TACC1: variants seen among roughly 807,000 people sequenced by gnomAD.
TACC1 encodes transforming acidic coiled-coil-containing protein 1.
In TACC1, 48 loss-of-function variants were observed where a neutral mutation model predicts 84.4. The observed-to-expected ratio is 0.57, with a 90% CI of 0.45 to 0.72. The LOEUF (loss-of-function observed/expected upper bound fraction) is 0.72, where lower values mean the gene tolerates loss of function less well. Ranked by LOEUF, TACC1 falls within the 30% of genes least tolerant of loss-of-function variation. The pLI, the probability that TACC1 is intolerant of heterozygous loss-of-function variation, is 0.00. For missense variants in TACC1, 920 were observed against 973.0 expected (o/e 0.95, Z 0.72); for synonymous variants, 372 against 376.3 (o/e 0.99, Z 0.13).
chr8:38,841,004 G>A (rs980161490), intron 9 of TACC1, among the ~76,000 whole-genome samples: 1 of 152,196 alleles, frequency 6.6e-6, no homozygotes, highest in African/African-American at 2.4e-5. Flanking sequence ...AGCCGAGATC[G>A]TGCCACTGCA....
chr8:38,835,390 T>C (rs1830030798), intron 6 of TACC1, among the ~76,000 whole-genome samples: 1 of 152,224 alleles, frequency 6.6e-6, no homozygotes, highest in Non-Finnish European at 1.5e-5. Context: ...GAACCTGAGC[T>C]TATGAAAGAA....
rs2292741 is a variant in TACC1 at position 38,838,478 on chromosome 8, T to C, written c.1848T>C (p.Thr616=). The change falls in exon 8 of 13, where the codon ACT becomes ACC. Residue 616 remains threonine (T), a synonymous_variant. Transcript: ENST00000317827. ...GCTTTATTGTACTCTAGATAATTAC[T>C]AAAGAGATTGAAGCAAATGAATGGA... ...VLTLIREEII[T]KEIEANEWKK... 234,182 of 1,611,760 alleles carry C rather than the reference T, an allele frequency of 0.15. 18,023 individuals are homozygous for C. The highest frequency in any genetic ancestry group is 0.24 in the East Asian group (10,852 of 44,824).
intron 1 of TACC1, among the ~76,000 whole-genome samples, chr8:38,729,826 G>A (rs1199639856): frequency 2.6e-5 from 4 of 152,084 alleles, no homozygotes; most frequent in Non-Finnish European, 2.9e-5. Flanking sequence ...CTGAGATCAC[G>A]CCACTGCACT....
chr8:38,830,465 G>C (rs1354556631), intron 5 of TACC1, among the ~76,000 whole-genome samples: 1 of 152,138 alleles, frequency 6.6e-6, no homozygotes, highest in Non-Finnish European at 1.5e-5. Context: ...AGTAGATGAG[G>C]CTTCGCCATG....
intron 3 of TACC1, among the ~76,000 whole-genome samples, chr8:38,751,818 A>T (rs936219656): frequency 6.6e-6 from 1 of 152,064 alleles, no homozygotes; most frequent in Non-Finnish European, 1.5e-5. Flanking sequence ...AATATTTCTG[A>T]GGTATGCCTG....
At chr8:38,737,411 G>A (rs757169223) in intron 1 of TACC1, among the ~76,000 whole-genome samples, 18 of 152,198 alleles carry the variant, frequency 1.2e-4, no homozygotes, top group Non-Finnish European at 2.2e-4. Flanking sequence ...GCCAGTTCTC[G>A]ATGAGATCAG....
At chr8:38,831,260 C>T (rs1829176464) in intron 6 of TACC1, 83 bp downstream of exon 6, 1 of 1,409,646 alleles carries the variant, frequency 7.1e-7, no homozygotes, top group African/African-American at 1.4e-5. Flanking sequence ...TTGTTAAATT[C>T]TGGTCAGTGT....
At chr8:38,821,066 G>T (rs756244045) in intron 3 of TACC1, among the ~76,000 whole-genome samples, 1 of 151,962 alleles carries the variant, frequency 6.6e-6, no homozygotes, top group East Asian at 1.9e-4. Flanking sequence ...TTAGCTGGGC[G>T]TGGTGGTGCA....
intron 2 of TACC1, among the ~76,000 whole-genome samples, chr8:38,792,990 C>T (rs985180518): frequency 1.3e-5 from 2 of 152,134 alleles, no homozygotes; most frequent in African/African-American, 4.8e-5. Context: ...GTGCCCTCTG[C>T]CCCTTGAGTT....
chr8:38,769,232 A>G (rs1418007333), intron 3 of TACC1, among the ~76,000 whole-genome samples: 3 of 112,652 alleles, frequency 2.7e-5, no homozygotes, highest in Non-Finnish European at 5.3e-5. Context: ...TGTGTATGAG[A>G]CTGTGTATGG....
intron 6 of TACC1, among the ~76,000 whole-genome samples, chr8:38,833,648 G>C (rs750485205): frequency 1.3e-5 from 2 of 152,222 alleles, no homozygotes; most frequent in African/African-American, 2.4e-5. Context: ...GCATTGAGTT[G>C]TTAAGCAGGC....
intron 2 of TACC1, among the ~76,000 whole-genome samples, chr8:38,804,373 A>T (rs1822147466): frequency 6.6e-6 from 1 of 151,892 alleles, no homozygotes; most frequent in African/African-American, 2.4e-5. Context: ...ATCTTGGCTC[A>T]CTGCAACCCT....
intron 3 of TACC1, among the ~76,000 whole-genome samples, chr8:38,774,862 T>C (rs1814492608): frequency 2.0e-5 from 3 of 151,910 alleles, no homozygotes. Context: ...AATACAAAAA[T>C]TAGCTGGGCA....
intron 2 of TACC1, among the ~76,000 whole-genome samples, chr8:38,799,336 G>GAC (rs1820789541): frequency 6.6e-6 from 1 of 152,268 alleles, no homozygotes; most frequent in Middle Eastern, 3.4e-3. Flanking sequence ...TTATGTATCA[G>GAC]ACACTTGCCC....
At position 38,819,604 on chromosome 8, in the gene TACC1, T is replaced by C. The variant is rs1233240111; in HGVS notation, c.360T>C (p.Asn120=). Residue 120 remains asparagine, a synonymous_variant, in exon 3 of 13, where the codon AAT becomes AAC. Transcript: ENST00000317827. ...AGACTTGTTCTAAACCTTCAGAAAA[T>C]GAAGTGCCACAGCAGGCCATTGACT... The part of the protein sequence containing the change: ...SSKTCSKPSE[N]EVPQQAIDSH... 1.2e-6 allele frequency: 2 copies of C among 1,614,004 alleles called. No homozygotes were observed. Among genetic ancestry groups the C allele is most frequent in the African/African-American group, 2.7e-5 (2 of 74,908 alleles).
At chr8:38,736,858 C>CT (rs1806067366) in intron 1 of TACC1, among the ~76,000 whole-genome samples, 1 of 152,140 alleles carries the variant, frequency 6.6e-6, no homozygotes, top group African/African-American at 2.4e-5. Flanking sequence ...ATTCTCTTAT[C>CT]TTTTTGTCTG....
At chr8:38,768,790 T>C (rs1269797826) in intron 3 of TACC1, among the ~76,000 whole-genome samples, 1 of 151,476 alleles carries the variant, frequency 6.6e-6, no homozygotes, top group Non-Finnish European at 1.5e-5. Flanking sequence ...ATGTGAGAGT[T>C]GGGGGTAGGT....
intron 3 of TACC1, among the ~76,000 whole-genome samples, chr8:38,767,241 T>G (rs1292871628): frequency 6.6e-6 from 1 of 152,244 alleles, no homozygotes; most frequent in Non-Finnish European, 1.5e-5. Flanking sequence ...GACTGACGTT[T>G]CCTCTGCCTT....
chr8:38,825,503 A>T, intron 4 of TACC1, 135 bp downstream of exon 4: 1 of 825,598 alleles, frequency 1.2e-6, no homozygotes, highest in Non-Finnish European at 2.0e-6. Flanking sequence ...GCCAATTTCC[A>T]GATCCTTACT....
Sources: allele counts gnomAD v4.1 joint callset (sites outside exome capture counted in the v4.1 genomes callset), GRCh38; gene constraint gnomAD v4.1.1; transcripts MANE v1.5; gene names NCBI Gene and HGNC (gene_info 2026-07-23, HGNC 2026-07-21).